Variants in SORBS2 observed in about 807,000 individuals in gnomAD.
The protein encoded by SORBS2 is sorbin and SH3 domain-containing protein 2.
In SORBS2, 46 loss-of-function variants were observed where a neutral mutation model predicts 97.7. That is an observed-to-expected ratio of 0.47 (90% CI 0.37 to 0.60). The LOEUF is 0.60. Among genes scored for constraint, SORBS2 ranks in the 20% least tolerant of loss-of-function variants. The pLI, the probability that SORBS2 is intolerant of heterozygous loss-of-function variation, is 0.00. For missense variants in SORBS2, 1,316 were observed against 1,282.3 expected (o/e 1.03, Z -0.40); for synonymous variants, 476 against 473.4 (o/e 1.01, Z -0.07).
At position 185,607,786 on chromosome 4, in the gene SORBS2, C is replaced by T. The variant is rs1415844409; in HGVS notation, c.2796+3994G>A. 6.6e-6 allele frequency among the ~76,000 whole-genome samples: 1 copy of T among 150,662 alleles called. No homozygotes were observed. The highest frequency in any genetic ancestry group is 1.5e-5 in the Non-Finnish European group (1 of 67,528). On this transcript the variant is annotated intron_variant, in intron 12 of 14. Transcript: ENST00000418609. The surrounding 1 kb of genome is among the most constrained non-coding windows in gnomAD (Gnocchi z 5.2). ...CTCGGCTCACTGCAACCTCTGCCTC[C>T]CAGGTTCAAACGATTTTCCTGCTTC...
intron 1 of SORBS2, among the ~76,000 whole-genome samples, chr4:185,949,300 A>G (rs540015404): frequency 3.1e-4 from 47 of 152,356 alleles, no homozygotes; most frequent in African/African-American, 9.9e-4. Flanking sequence ...TGGTACACCC[A>G]GTATTGAATC....
intron 2 of SORBS2, chr4:185,774,625 ACAGT>A (rs2098990872): frequency 6.6e-6 from 1 of 152,126 alleles, no homozygotes; most frequent in Non-Finnish European, 1.5e-5. Context: ...CCAGCAAAAG[ACAGT>A]CAGCTTAGTA....
chr4:185,591,563 G>T (rs1325658000), intron 13 of SORBS2, among the ~76,000 whole-genome samples: 6 of 152,158 alleles, frequency 3.9e-5, no homozygotes, highest in African/African-American at 1.2e-4. Context: ...TGAAGGGGTG[G>T]TATCTTTTGT....
chr4:185,652,892 T>C (rs1037692640), intron 1 of SORBS2, among the ~76,000 whole-genome samples, 164 bp from the exon 10 acceptor site: 1 of 152,236 alleles, frequency 6.6e-6, no homozygotes, highest in African/African-American at 2.4e-5. Context: ...GCAATTTACT[T>C]AGTTATGTGT....
At chr4:185,608,407 G>A (rs766225761) in intron 12 of SORBS2, among the ~76,000 whole-genome samples, 47 of 152,288 alleles carry the variant, frequency 3.1e-4, no homozygotes, top group Non-Finnish European at 5.4e-4. Flanking sequence ...TGATGCTAAC[G>A]GGAGGGAGGA....
intron 1 of SORBS2, among the ~76,000 whole-genome samples, chr4:185,827,797 ATCG>A (rs749152446): frequency 4.9e-5 from 7 of 143,920 alleles, no homozygotes; most frequent in Admixed American, 2.1e-4. Context: ...CGTCACCATC[ATCG>A]TCATCATCAC....
chr4:185,625,251 T>C (rs2096791244), intron 6 of SORBS2, among the ~76,000 whole-genome samples: 1 of 152,202 alleles, frequency 6.6e-6, no homozygotes. Context: ...TATACCATGC[T>C]TTTTTTCTCG....
At chr4:185,868,151 T>C (rs61336130) in intron 1 of SORBS2, among the ~76,000 whole-genome samples, 4,150 of 71,590 alleles carry the variant, frequency 0.058, 252 homozygotes, top group African/African-American at 0.12. Context: ...TCTTTTCTTT[T>C]TTTCTTTCTT....
intron 4 of SORBS2, chr4:185,677,249 A>G (rs1208146272): frequency 6.4e-7 from 1 of 1,551,822 alleles, no homozygotes; most frequent in Non-Finnish European, 8.7e-7. Flanking sequence ...GTGGAGTACT[A>G]ATGGGGCTGC....
At chr4:185,902,356 TA>T (rs2149834395) in intron 1 of SORBS2, among the ~76,000 whole-genome samples, 1 of 152,238 alleles carries the variant, frequency 6.6e-6, no homozygotes, top group South Asian at 2.1e-4. Context: ...CTGTAGGGTC[TA>T]AAATAGTTAT....
intron 2 of SORBS2, among the ~76,000 whole-genome samples, chr4:185,759,627 T>C (rs1445111921): frequency 4.8e-5 from 7 of 146,726 alleles, no homozygotes; most frequent in African/African-American, 5.0e-5. Flanking sequence ...TTTTTTTTTT[T>C]CTGTTACAGT....
chr4:185,788,743 A>G (rs1394770973), intron 1 of SORBS2, among the ~76,000 whole-genome samples: 1 of 152,242 alleles, frequency 6.6e-6, no homozygotes, highest in African/African-American at 2.4e-5. Context: ...GGGTAAGAGA[A>G]GAAGGAATTG....
At position 185,788,338 on chromosome 4, in the gene SORBS2, A is replaced by G. The variant is rs564893452; in HGVS notation, c.-337-12972T>C. 2.0e-5 allele frequency among the ~76,000 whole-genome samples: 3 copies of G among 152,332 alleles called. No homozygotes were observed. The East Asian group carries it at 5.8e-4, about 29-fold the overall frequency. On this transcript the variant is annotated intron_variant, in intron 1 of 20. Coordinates refer to the SORBS2 transcript ENST00000284776. The stretch of plus-strand genomic sequence containing the variant: ...TCAGTAAGAATGGATTCAGCGGGGG[A>G]AAGAAATTAATAGGCTATATCCTAA...
At chr4:185,868,366 C>G (rs2099228451) in intron 1 of SORBS2, among the ~76,000 whole-genome samples, 1 of 151,652 alleles carries the variant, frequency 6.6e-6, no homozygotes, top group Non-Finnish European at 1.5e-5. Context: ...CTATGTTAGC[C>G]AGGATGGTCT....
At chr4:185,850,678 G>A (rs192471151) in intron 1 of SORBS2, among the ~76,000 whole-genome samples, 16 of 152,256 alleles carry the variant, frequency 1.1e-4, no homozygotes, top group East Asian at 1.9e-4. Flanking sequence ...CTATTGAGTC[G>A]GGTTGAAATA....
intron 1 of SORBS2, among the ~76,000 whole-genome samples, chr4:185,897,002 G>A (rs533411321): frequency 3.9e-5 from 6 of 152,036 alleles, no homozygotes; most frequent in South Asian, 2.1e-4. Flanking sequence ...CAGCAATTGC[G>A]GAGGCTCAGG....
intron 12 of SORBS2, among the ~76,000 whole-genome samples, chr4:185,602,476 G>T (rs904805919): frequency 6.6e-6 from 1 of 152,154 alleles, no homozygotes; most frequent in African/African-American, 2.4e-5. Context: ...GAAGATTCTG[G>T]ATTGCATTTA....
chr4:185,624,473 C>T lies in SORBS2; in HGVS notation c.656G>A (p.Cys219Tyr), dbSNP rs2096776006. Residue 219 changes from cysteine to tyrosine, a missense_variant, in exon 7 of 15, where the codon TGT becomes TAT. Physicochemically the swap from Cys to Tyr is radical, Grantham distance 194. Transcript: ENST00000418609. ...CCCTGAGTAACTGCAAAGGGATGGA[C>T]ATATTTTGCTATCATCCCCACCTTT... is the stretch of plus-strand genomic sequence containing the variant. 6.2e-7 allele frequency: 1 copy of T among 1,606,564 alleles called. No homozygotes were observed. Among genetic ancestry groups the T allele is most frequent in the Non-Finnish European group, 8.5e-7 (1 of 1,175,480 alleles).
rs143269947 is a variant in SORBS2, at chr4:185,946,063, G to A, written c.-338+10133C>T. Among the ~76,000 whole-genome samples, 1,338 of 152,244 alleles carry A rather than the reference G, an allele frequency of 8.8e-3. 25 individuals are homozygous for A. Among genetic ancestry groups the A allele is most frequent in the African/African-American group, 0.03 (1,237 of 41,532 alleles). ...GGCTATCTTTAAAAAGTTTAAGAAA[G>A]TTACTAACATGAGGAAGTGATCCTT... On this transcript the variant is annotated intron_variant, in intron 1 of 20. Coordinates refer to the SORBS2 transcript ENST00000284776.
Sources: allele counts gnomAD v4.1 joint callset (sites outside exome capture counted in the v4.1 genomes callset), GRCh38; gene constraint gnomAD v4.1.1; non-coding constraint Gnocchi (gnomAD v3.1); transcripts MANE v1.5; gene names NCBI Gene and HGNC (gene_info 2026-07-23, HGNC 2026-07-21).